CD8B: variants seen among roughly 807,000 people sequenced by gnomAD.
The protein encoded by CD8B is T-cell surface glycoprotein CD8 beta chain.
In CD8B, 6 loss-of-function variants were observed where a neutral mutation model predicts 24.2. The observed-to-expected ratio is 0.25, with a 90% CI of 0.14 to 0.49. The LOEUF is 0.49. CD8B is among the 20% of genes least tolerant of loss of function. The pLI, the probability that CD8B is intolerant of heterozygous loss-of-function variation, is 0.98. For missense variants in CD8B, 196 were observed against 271.3 expected (o/e 0.72, Z 1.95); for synonymous variants, 84 against 108.3 (o/e 0.78, Z 1.39).
chr2:86,828,339 CGT>C (rs1674773271), intron 5 of CD8B, among the ~76,000 whole-genome samples: 1 of 142,220 alleles, frequency 7.0e-6, no homozygotes, highest in Admixed American at 7.2e-5. Context: ...TGTGTGTGTG[CGT>C]GTCTGGACCC....
intron 5 of CD8B, among the ~76,000 whole-genome samples, chr2:86,825,101 T>A (rs961877592): frequency 1.3e-5 from 2 of 152,114 alleles, no homozygotes; most frequent in African/African-American, 4.8e-5. Flanking sequence ...CTCTGGCACA[T>A]GAGGAGGCTG....
downstream of CD8B, chr2:86,815,400 G>T: frequency 1.8e-6 from 1 of 546,292 alleles, no homozygotes. Flanking sequence ...ATTCAAGATG[G>T]ATACATTTGG....
At position 86,839,550 on chromosome 2, in the gene CD8B, C is replaced by G. The variant is rs893186243; in HGVS notation, c.*2757G>C. On this transcript the variant is annotated 3_prime_UTR_variant, in exon 6 of 6. Transcript: ENST00000390655. ...AGGTCAGGTGCTGGGTGCAGACCTT[C>G]TCACCGCAGCCCCCACCATTGGCAG... Among the ~76,000 whole-genome samples, 1 of 152,244 alleles carries G rather than the reference C, an allele frequency of 6.6e-6. No individual in the cohort carries two copies. The highest frequency in any genetic ancestry group is 1.5e-5 in the Non-Finnish European group (1 of 68,040).
chr2:86,849,904 A>G (rs765270009), intron 3 of CD8B, among the ~76,000 whole-genome samples: 7 of 152,132 alleles, frequency 4.6e-5, no homozygotes, highest in Non-Finnish European at 1.0e-4. Flanking sequence ...GGGTTTCGCC[A>G]TGTTGATCAG....
chr2:86,851,039 T>C (rs1348559614), intron 3 of CD8B, among the ~76,000 whole-genome samples: 4 of 147,910 alleles, frequency 2.7e-5, no homozygotes, highest in Non-Finnish European at 4.4e-5. Context: ...TGCAATGAGC[T>C]GAGATCACGC....
At chr2:86,852,497 C>T (rs1573522517) in intron 3 of CD8B, among the ~76,000 whole-genome samples, 1 of 151,740 alleles carries the variant, frequency 6.6e-6, no homozygotes, top group African/African-American at 2.4e-5. Flanking sequence ...ATTTCTTTCC[C>T]AAGCCCCCAG....
At chr2:86,815,380 G>A, downstream of CD8B, 1 of 478,438 alleles carries the variant, frequency 2.1e-6, no homozygotes, top group Non-Finnish European at 3.8e-6. Context: ...TTAGGATTTT[G>A]GGCAAATTTA....
At chr2:86,836,568 T>C (rs1675186641), downstream of CD8B, among the ~76,000 whole-genome samples, 1 of 152,168 alleles carries the variant, frequency 6.6e-6, no homozygotes, top group African/African-American at 2.4e-5. Context: ...GGAGGATCGC[T>C]TGAGCTCAGG....
chr2:86,841,510 T>G lies in CD8B; in HGVS notation c.*797A>C, dbSNP rs1201148195. The stretch of plus-strand genomic sequence containing the variant: ...GGAGGATGTACAAATTTTCTCCTTC[T>G]GGTTTCTGTTCCACGGAGCACTGAT... On this transcript the variant is annotated 3_prime_UTR_variant, in exon 6 of 6. Coordinates refer to ENST00000390655, the MANE Select transcript of CD8B (RefSeq NM_004931.5). The G allele has an allele frequency of 2.6e-6, 2 of 771,530 alleles. No individual in the cohort carries two copies. The highest frequency in any genetic ancestry group is 3.9e-5 in the African/African-American group (2 of 51,806). 47.8% of individuals were successfully genotyped at this position (771,530 alleles called of 1,614,324 possible). A position where few individuals can be genotyped will look rare whatever the true frequency, so the allele number is the denominator to read the frequency against.
Position 86,842,255 on chromosome 2 carries a change from C to T in CD8B, c.*52G>A, listed in dbSNP as rs1330146281. ...TTCTCTCATTTTTCCACATCGTGCT[C>T]GTTACTGACCGATGTCTTTTTGTAG... On this transcript the variant is annotated 3_prime_UTR_variant, in exon 6 of 6. Coordinates refer to ENST00000390655, the MANE Select transcript of CD8B (RefSeq NM_004931.5). 7 of 1,550,852 alleles carry T rather than the reference C, an allele frequency of 4.5e-6. No homozygotes were observed. The highest frequency in any genetic ancestry group is 4.5e-5 in the East Asian group (2 of 44,428).
intron 1 of CD8B, 68 bp from the exon 2 acceptor site, chr2:86,858,484 A>G: frequency 6.6e-7 from 1 of 1,506,406 alleles, no homozygotes; most frequent in African/African-American, 1.5e-5. Flanking sequence ...TTGCAGTCAC[A>G]CTGAGTCAAG....
chr2:86,822,658 G>T (rs547462808), intron 5 of CD8B, among the ~76,000 whole-genome samples: 9 of 152,300 alleles, frequency 5.9e-5, no homozygotes, highest in African/African-American at 2.2e-4. Context: ...TTCCCTTGCT[G>T]TTGTTTCTAG....
intron 5 of CD8B, among the ~76,000 whole-genome samples, chr2:86,824,877 T>C (rs769083742): frequency 6.6e-6 from 1 of 152,234 alleles, no homozygotes; most frequent in African/African-American, 2.4e-5. Flanking sequence ...TGAATACTTG[T>C]ATACCAAGTA....
At chr2:86,843,664 C>A in intron 5 of CD8B, 10 of 985,240 alleles carry the variant, frequency 1.0e-5, no homozygotes, top group Non-Finnish European at 1.2e-5. Context: ...TTTGTTTGTC[C>A]ATTGCTGCAC....
Position 86,825,571 on chromosome 2 carries a change from C to T in CD8B, c.621-9853G>A, listed in dbSNP as rs140366854. Among the ~76,000 whole-genome samples the T allele has an allele frequency of 1.8e-3, 270 of 152,300 alleles. 1 individual carries two copies. Among genetic ancestry groups the T allele is most frequent in the Non-Finnish European group, 2.8e-3 (193 of 68,026 alleles). ...ACAACGGCTGCCCTGGCAGGCAGCA[C>T]CCAGGCACCTCTCAGGTGGGAAAAG... On this transcript the variant is annotated intron_variant, in intron 5 of 5. Coordinates refer to the CD8B transcript ENST00000331469.
At chr2:86,853,915 A>G (rs1676101977) in intron 2 of CD8B, among the ~76,000 whole-genome samples, 1 of 151,794 alleles carries the variant, frequency 6.6e-6, no homozygotes, top group Non-Finnish European at 1.5e-5. Context: ...AATTTTTTGT[A>G]TTTTTAGTAG....
Position 86,840,749 on chromosome 2 carries a change from C to G in CD8B, c.*1558G>C, listed in dbSNP as rs1490917463. 6.6e-6 allele frequency among the ~76,000 whole-genome samples: 1 copy of G among 152,062 alleles called. No individual in the cohort carries two copies. The highest frequency in any genetic ancestry group is 6.5e-5 in the Admixed American group (1 of 15,288). ...GTTCTTTGTTCAAAATGCCAAGGAC[C>G]TGGACAACTTACACTCAAGGCCCTC... On this transcript the variant is annotated 3_prime_UTR_variant, in exon 6 of 6. Coordinates refer to ENST00000390655, the MANE Select transcript of CD8B (RefSeq NM_004931.5).
chr2:86,825,864 C>T (rs949025831), intron 5 of CD8B, among the ~76,000 whole-genome samples: 2 of 152,188 alleles, frequency 1.3e-5, no homozygotes, highest in Middle Eastern at 3.2e-3. Flanking sequence ...CTGACTGTAA[C>T]AGGCTGCATG....
chr2:86,837,678 G>A (rs1675231699), downstream of CD8B, among the ~76,000 whole-genome samples: 1 of 148,652 alleles, frequency 6.7e-6, no homozygotes, highest in Middle Eastern at 3.4e-3. Flanking sequence ...AAGCTGCGGG[G>A]CGGGGGTGGG....
Sources: gnomAD v4.1 joint callset for allele counts (sites outside exome capture counted in the v4.1 genomes callset) on GRCh38, gnomAD v4.1.1 for gene constraint, MANE v1.5 for transcripts, NCBI Gene and HGNC (gene_info 2026-07-23, HGNC 2026-07-21) for gene names.